SENP6: variants seen among roughly 807,000 people sequenced by gnomAD.
The protein encoded by SENP6 is SUMO specific peptidase 6.
Under a neutral mutation model 134.5 loss-of-function variants are expected in SENP6, and 41 were observed. The ratio of observed to expected loss-of-function variants is 0.30; its 90% confidence interval spans 0.24 to 0.40. SENP6 has a LOEUF of 0.40. Ranked by LOEUF, SENP6 falls within the 10% of genes least tolerant of loss-of-function variation. The pLI is 1.00. For missense variants in SENP6, 1,248 were observed against 1,312.5 expected (o/e 0.95, Z 0.76); for synonymous variants, 395 against 429.8 (o/e 0.92, Z 1.00).
At chr6:75,637,587 A>G (rs1230544403) in intron 5 of SENP6, among the ~76,000 whole-genome samples, 1 of 152,134 alleles carries the variant, frequency 6.6e-6, no homozygotes, top group African/African-American at 2.4e-5. Context: ...TGTTGAAACA[A>G]CACATTTTAT....
intron 2 of SENP6, 117 bp downstream of exon 2, chr6:75,621,742 C>G: frequency 2.4e-6 from 1 of 408,552 alleles, no homozygotes; most frequent in East Asian, 4.9e-5. Flanking sequence ...AAACATATAA[C>G]TCTTTCACAG....
At position 75,717,169 on chromosome 6, in the gene SENP6, A is replaced by G. The variant is rs1287349986; in HGVS notation, c.*1575A>G. Reference sequence around the variant, plus strand: ...AAAAACAAGTTTAATTTTATTATTTACTGAACATGGCAAAATGCTTTTCAA... The same window carrying G: ...AAAAACAAGTTTAATTTTATTATTTGCTGAACATGGCAAAATGCTTTTCAA... On this transcript the variant is annotated 3_prime_UTR_variant, in exon 24 of 24. Coordinates refer to ENST00000447266, the MANE Select transcript of SENP6 (RefSeq NM_015571.4). 1 of 152,086 alleles carries G rather than the reference A, an allele frequency of 6.6e-6. No individual in the cohort carries two copies. Among genetic ancestry groups the G allele is most frequent in the African/African-American group, 2.4e-5 (1 of 41,462 alleles). The allele number at this position is 152,086 out of a possible 1,614,324, so 9.4% of individuals were successfully genotyped here.
At position 75,675,196 on chromosome 6, in the gene SENP6, A is replaced by T. The variant is rs185365586; in HGVS notation, c.1393-239A>T. Among the ~76,000 whole-genome samples, 13 of 151,340 alleles carry T rather than the reference A, an allele frequency of 8.6e-5. 1 individual carries two copies. The East Asian group carries it at 2.5e-3, about 30-fold the overall frequency. ...ACCTAAAATAAAAGTTAAAAAAAGA[A>T]AAAAAAAAGAGGAAAGAAAGACTGA... On this transcript the variant is annotated intron_variant, in intron 11 of 23. Coordinates refer to ENST00000447266, the MANE Select transcript of SENP6 (RefSeq NM_015571.4).
chr6:75,679,906 G>A (rs1233888359), intron 16 of SENP6: 1 of 152,112 alleles, frequency 6.6e-6, no homozygotes, highest in Non-Finnish European at 1.5e-5. Flanking sequence ...GCCTATTGGT[G>A]GTTGCAACTC....
intron 16 of SENP6, chr6:75,679,795 C>CAT (rs1490303702): frequency 1.3e-5 from 2 of 152,288 alleles, no homozygotes; most frequent in African/African-American, 4.8e-5. Flanking sequence ...CATCAGTATG[C>CAT]ATAGTTCTCT....
chr6:75,699,354 C>CTTTTTTTTTTTTTTTTTTTTTT (rs71544060), intron 18 of SENP6, among the ~76,000 whole-genome samples: 1 of 115,030 alleles, frequency 8.7e-6, no homozygotes. Flanking sequence ...TTTGTTTTTG[C>CTTTTTTTTTTTTTTTTTTTTTT]TTTTTTTTTT....
At chr6:75,654,085 G>T (rs895599040) in intron 7 of SENP6, among the ~76,000 whole-genome samples, 2 of 152,128 alleles carry the variant, frequency 1.3e-5, no homozygotes, top group African/African-American at 4.8e-5. Flanking sequence ...TTAGCCAGGT[G>T]TGGTTATGAG....
chr6:75,704,486 C>T (rs964278496), intron 19 of SENP6, among the ~76,000 whole-genome samples: 3 of 152,352 alleles, frequency 2.0e-5, no homozygotes, highest in Middle Eastern at 3.4e-3. Flanking sequence ...CAACATGTCT[C>T]GCCTCCTGCC....
At chr6:75,667,649 T>G (rs182649650) in intron 10 of SENP6, among the ~76,000 whole-genome samples, 5 of 152,320 alleles carry the variant, frequency 3.3e-5, no homozygotes, top group Admixed American at 1.3e-4. Context: ...GTTACTATGA[T>G]CTTTTGGGAA....
intron 18 of SENP6, among the ~76,000 whole-genome samples, chr6:75,702,012 T>A (rs543091144): frequency 1.3e-5 from 2 of 152,028 alleles, no homozygotes; most frequent in Non-Finnish European, 2.9e-5. Context: ...AATGACGAGT[T>A]GCAAAGTGAC....
intron 3 of SENP6, among the ~76,000 whole-genome samples, chr6:75,627,505 T>A (rs1044098856): frequency 3.3e-5 from 5 of 152,158 alleles, no homozygotes; most frequent in Admixed American, 2.0e-4. Flanking sequence ...GTCTTTTGCC[T>A]GTAATCCCAG....
intron 7 of SENP6, among the ~76,000 whole-genome samples, chr6:75,654,447 A>C (rs1301293344): frequency 6.6e-6 from 1 of 152,248 alleles, no homozygotes; most frequent in Non-Finnish European, 1.5e-5. Context: ...AGGTAGAGGT[A>C]GATTGTCATG....
chr6:75,640,361 G>C (rs1419639864), intron 5 of SENP6, among the ~76,000 whole-genome samples: 1 of 152,134 alleles, frequency 6.6e-6, no homozygotes, highest in African/African-American at 2.4e-5. Flanking sequence ...GCACCCATTG[G>C]GGGTCTTGGA....
At chr6:75,703,312 A>C (rs947078058) in intron 19 of SENP6, among the ~76,000 whole-genome samples, 2 of 152,180 alleles carry the variant, frequency 1.3e-5, no homozygotes, top group East Asian at 3.9e-4. Flanking sequence ...ATAAATAGAA[A>C]ATTTTTAAAG....
Position 75,698,485 on chromosome 6 carries a change from T to C in SENP6, c.2288+968T>C, listed in dbSNP as rs12664027. 0.011 allele frequency among the ~76,000 whole-genome samples: 1,604 copies of C among 151,654 alleles called. 60 individuals are homozygous for C. In the East Asian group the frequency reaches 0.14, roughly 13 times the overall value. ...TCTAATAAGCCTAGCTGTGCCAAGC[T>C]AGCTTCTGAATTTTTTTTTTTTAAC... is the stretch of plus-strand genomic sequence containing the variant. On this transcript the variant is annotated intron_variant, in intron 18 of 23. Coordinates refer to ENST00000447266, the MANE Select transcript of SENP6 (RefSeq NM_015571.4).
chr6:75,607,472 T>G (rs969495708), intron 1 of SENP6, among the ~76,000 whole-genome samples: 3 of 152,168 alleles, frequency 2.0e-5, no homozygotes, highest in African/African-American at 7.2e-5. Flanking sequence ...CTCTGGGGGC[T>G]CTAACAAGCC....
At chr6:75,645,967 A>C (rs1175930778) in intron 6 of SENP6, among the ~76,000 whole-genome samples, 1 of 152,226 alleles carries the variant, frequency 6.6e-6, no homozygotes, top group Non-Finnish European at 1.5e-5. Context: ...TCATTAGCAA[A>C]GATGGCTCAG....
At chr6:75,670,929 TATC>T (rs770722675) in intron 11 of SENP6, among the ~76,000 whole-genome samples, 32 of 149,478 alleles carry the variant, frequency 2.1e-4, no homozygotes, top group Non-Finnish European at 4.7e-4. Flanking sequence ...TATTGTTTAT[TATC>T]ATGCCAGCTT....
chr6:75,697,799 A>G (rs1774756790), intron 18 of SENP6: 3 of 275,904 alleles, frequency 1.1e-5, no homozygotes, highest in Admixed American at 9.8e-5. Flanking sequence ...CTTATTGTCT[A>G]GCAAGTAACC....
Sources: allele counts gnomAD v4.1 joint callset (sites outside exome capture counted in the v4.1 genomes callset), GRCh38; gene constraint gnomAD v4.1.1; transcripts MANE v1.5; gene names NCBI Gene and HGNC (gene_info 2026-07-23, HGNC 2026-07-21).